The following VPS8 variants were observed in gnomAD, a reference collection of about 807,000 sequenced individuals.
VPS8 encodes vacuolar protein sorting-associated protein 8 homolog.
VPS8 carries 129 observed loss-of-function variants against 216.4 expected under a neutral mutation model. The ratio of observed to expected loss-of-function variants is 0.60; its 90% CI spans 0.52 to 0.69. The LOEUF is 0.69. Among genes scored for constraint, VPS8 ranks in the 30% least tolerant of loss-of-function variants. The pLI, the probability that VPS8 is intolerant of heterozygous loss-of-function variation, is 0.00. For missense variants in VPS8, 1,531 were observed against 1,683.5 expected, an observed-to-expected ratio of 0.91 and a Z score of 1.59; for synonymous variants, 571 against 565.4, an observed-to-expected ratio of 1.01 and a Z score of -0.14.
chr3:184,846,198 AAAC>A (rs374629936), intron 8 of VPS8, among the ~76,000 whole-genome samples: 425 of 152,344 alleles, frequency 2.8e-3, no homozygotes, highest in Middle Eastern at 0.01. Context: ...AACATTATAA[AAAC>A]AACAAATATA....
At chr3:185,043,356 C>G (rs976362415) in intron 46 of VPS8, among the ~76,000 whole-genome samples, 3 of 152,164 alleles carry the variant, frequency 2.0e-5, no homozygotes, top group African/African-American at 7.2e-5. Flanking sequence ...AGGCCAGAGA[C>G]TAATGGACAA....
Position 184,925,029 on chromosome 3 carries a change from G to A in VPS8, c.2574+48G>A, listed in dbSNP as rs529164933. 76 of 1,567,774 alleles carry A rather than the reference G, an allele frequency of 4.8e-5. 1 individual carries two copies. The highest frequency in any genetic ancestry group is 2.8e-4 in the South Asian group (24 of 85,078). On this transcript the variant is annotated intron_variant, in intron 30 of 47. Coordinates refer to ENST00000625842, the MANE Select transcript of VPS8 (RefSeq NM_001009921.3). Reference sequence around the variant, plus strand: ...TAAAAGGTTTTTTCCTGTTTACTGCGCACAGTTCCCTGGATTACACTGTTT... The same window carrying A: ...TAAAAGGTTTTTTCCTGTTTACTGCACACAGTTCCCTGGATTACACTGTTT...
intron 7 of VPS8, among the ~76,000 whole-genome samples, chr3:184,841,106 AAATTAT>A (rs1166109888): frequency 6.6e-6 from 1 of 152,196 alleles, no homozygotes; most frequent in Non-Finnish European, 1.5e-5. Flanking sequence ...AGTAGAAACA[AAATTAT>A]AATTCCCTTG....
chr3:184,854,048 A>C, intron 12 of VPS8, 38 bp downstream of exon 12: 1 of 1,612,800 alleles, frequency 6.2e-7, no homozygotes, highest in Non-Finnish European at 8.5e-7. Context: ...GAACTTTTAG[A>C]AGCTTTGAAT....
At chr3:185,048,824 C>A (rs6769339) in intron 47 of VPS8, among the ~76,000 whole-genome samples, 72,906 of 151,916 alleles carry the variant, frequency 0.48, 17,805 homozygotes, top group East Asian at 0.67. Flanking sequence ...TGACCTCCCT[C>A]CAGAGAGAGC....
At chr3:185,030,742 C>T (rs1474628463) in intron 46 of VPS8, among the ~76,000 whole-genome samples, 1 of 152,082 alleles carries the variant, frequency 6.6e-6, no homozygotes, top group Non-Finnish European at 1.5e-5. Flanking sequence ...TATTCAGGTA[C>T]GTTATAAGAA....
intron 10 of VPS8, 113 bp downstream of exon 10, chr3:184,850,135 A>C: frequency 1.3e-6 from 1 of 769,422 alleles, no homozygotes; most frequent in Admixed American, 2.8e-5. Flanking sequence ...TTTAACATGA[A>C]GCTGAACATT....
intron 10 of VPS8, among the ~76,000 whole-genome samples, chr3:184,851,379 AT>A (rs1357666384): frequency 3.9e-5 from 6 of 152,262 alleles, no homozygotes; most frequent in African/African-American, 1.4e-4. Flanking sequence ...AGCCACTTGC[AT>A]TTTAATACTC....
At chr3:184,961,353 C>T (rs1187111098) in intron 37 of VPS8, among the ~76,000 whole-genome samples, 1 of 152,206 alleles carries the variant, frequency 6.6e-6, no homozygotes, top group Non-Finnish European at 1.5e-5. Flanking sequence ...GCATCTGCCT[C>T]CTGAATTGCC....
intron 21 of VPS8, 91 bp downstream of exon 21, chr3:184,870,896 G>A: frequency 1.7e-6 from 2 of 1,176,514 alleles, no homozygotes; most frequent in South Asian, 1.5e-5. Flanking sequence ...TTTCATTTTT[G>A]GTTAAACATT....
At chr3:184,943,446 TAG>T (rs923065630) in intron 36 of VPS8, among the ~76,000 whole-genome samples, 3 of 152,328 alleles carry the variant, frequency 2.0e-5, no homozygotes, top group South Asian at 2.1e-4. Context: ...AGTAAAGGAT[TAG>T]AGTCTTTTCA....
rs1020108116 is a variant in VPS8, at chr3:184,925,021, T to G, written c.2574+40T>G. On this transcript the variant is annotated intron_variant, in intron 30 of 47. Coordinates refer to ENST00000625842, the MANE Select transcript of VPS8 (RefSeq NM_001009921.3). Reference sequence around the variant, plus strand: ...GTGAAAACTAAAAGGTTTTTTCCTGTTTACTGCGCACAGTTCCCTGGATTA... The same window carrying G: ...GTGAAAACTAAAAGGTTTTTTCCTGGTTACTGCGCACAGTTCCCTGGATTA... The G allele has an allele frequency of 1.9e-6, 3 of 1,584,228 alleles. No individual in the cohort carries two copies. The Admixed American group carries it at 5.4e-5, about 29-fold the overall frequency.
At chr3:184,925,086 T>A (rs563370691) in intron 30 of VPS8, 105 bp downstream of exon 30, 4 of 1,428,854 alleles carry the variant, frequency 2.8e-6, no homozygotes, top group African/African-American at 2.9e-5. Flanking sequence ...GTAAATACCT[T>A]ATCAAGGAGA....
At chr3:184,845,869 C>G (rs1457612606) in intron 8 of VPS8, among the ~76,000 whole-genome samples, 1 of 151,222 alleles carries the variant, frequency 6.6e-6, no homozygotes, top group Non-Finnish European at 1.5e-5. Context: ...CTCACCATCA[C>G]TGCTGTTTTT....
rs761648667 is a variant in VPS8, at chr3:184,971,679, T to C, written c.3347T>C (p.Val1116Ala). The change falls in exon 40 of 48, where the codon GTT becomes GCT. Residue 1116 changes from valine (V) to alanine (A), a missense_variant. Physicochemically the swap from Val to Ala is moderately conservative, Grantham distance 64 (BLOSUM62 0). Around this residue, in one of 3 missense-constraint regions of VPS8, gnomAD observed 1,318 missense variants for 1,468.4 expected, o/e 0.90. Coordinates refer to ENST00000625842, the MANE Select transcript of VPS8 (RefSeq NM_001009921.3). ...NTKEDPSLKD[V>A]EDTMVETIAL... is the part of the protein sequence containing the mutation. ...AAAGAGGATCCCTCATTGAAGGATG[T>C]TGAAGATACTATGGTGGAGACCATT... The C allele has an allele frequency of 1.9e-6, 3 of 1,613,414 alleles. No homozygotes were observed. The highest frequency in any genetic ancestry group is 2.5e-6 in the Non-Finnish European group (3 of 1,179,562).
chr3:184,961,765 T>G (rs1455437429), intron 37 of VPS8, among the ~76,000 whole-genome samples: 1 of 151,970 alleles, frequency 6.6e-6, no homozygotes, highest in Non-Finnish European at 1.5e-5. Context: ...TTTTTGTTTT[T>G]TTTGTTTTTG....
At chr3:184,858,132 G>A (rs1270297957) in intron 14 of VPS8, among the ~76,000 whole-genome samples, 1 of 152,072 alleles carries the variant, frequency 6.6e-6, no homozygotes, top group African/African-American at 2.4e-5. Flanking sequence ...TCAGGTGGTC[G>A]GGTGTATCTT....
chr3:185,031,882 A>G (rs924776861), intron 46 of VPS8, among the ~76,000 whole-genome samples: 1 of 152,156 alleles, frequency 6.6e-6, no homozygotes, highest in African/African-American at 2.4e-5. Flanking sequence ...AACAAGTTGC[A>G]GCCGGGCTCG....
At chr3:185,011,277 G>A (rs1306660509) in intron 45 of VPS8, among the ~76,000 whole-genome samples, 1 of 152,208 alleles carries the variant, frequency 6.6e-6, no homozygotes, top group East Asian at 1.9e-4. Flanking sequence ...TATAGGGAAT[G>A]CAAACCTTGA....
Sources: allele counts gnomAD v4.1 joint callset (sites outside exome capture counted in the v4.1 genomes callset), GRCh38; gene constraint gnomAD v4.1.1; regional missense constraint gnomAD v4.1.1; transcripts MANE v1.5; gene names NCBI Gene and HGNC (gene_info 2026-07-23, HGNC 2026-07-21).